Variants in PRDM2 observed in about 807,000 individuals in gnomAD.
The protein encoded by PRDM2 is PR/SET domain 2, also known as PR domain zinc finger protein 2.
PRDM2 carries 30 observed loss-of-function variants against 130.0 expected under a neutral mutation model. That is an observed-to-expected ratio of 0.23 (90% CI 0.17 to 0.31). The LOEUF (loss-of-function observed/expected upper bound fraction) is 0.31. Ranked by LOEUF, PRDM2 falls within the 10% of genes least tolerant of loss-of-function variation. The probability of loss-of-function intolerance (pLI) is 1.00; values close to 1 mark genes in which losing one functional copy is unlikely to be tolerated. For synonymous variants in PRDM2, 871 were observed against 782.4 expected, an observed-to-expected ratio of 1.11 and a Z score of -1.89; for missense variants, 2,011 against 2,108.4, an observed-to-expected ratio of 0.95 and a Z score of 0.90.
At chr1:13,714,666 A>G (rs945688109) in intron 1 of PRDM2, among the ~76,000 whole-genome samples, 3 of 152,234 alleles carry the variant, frequency 2.0e-5, no homozygotes, top group African/African-American at 7.2e-5. Context: ...TTAGAACATA[A>G]TGTTACAATG....
chr1:13,815,506 C>T (rs1313297503), intron 8 of PRDM2, among the ~76,000 whole-genome samples: 4 of 108,996 alleles, frequency 3.7e-5, no homozygotes, highest in Non-Finnish European at 6.7e-5. Context: ...GAAAGGCAGA[C>T]ACCTTATTCT....
At chr1:13,808,229 C>T (rs1404076789) in intron 8 of PRDM2, among the ~76,000 whole-genome samples, 3 of 152,150 alleles carry the variant, frequency 2.0e-5, no homozygotes, top group Admixed American at 1.3e-4. Flanking sequence ...CGGTGGCTCA[C>T]GCCTGTAATC....
At chr1:13,716,163 A>G (rs924518646) in intron 2 of PRDM2, among the ~76,000 whole-genome samples, 2 of 152,012 alleles carry the variant, frequency 1.3e-5, no homozygotes, top group Admixed American at 1.3e-4. Context: ...ACATGGATGA[A>G]ATTGGAAATC....
In PRDM2 at chr1:13,749,408, CA is replaced by C; in HGVS notation, c.434del (p.Asn145ThrfsTer4). ...TCCTGGTCTGGTACAATGGGGAAGA[CA>C]ACCCTGAGATAGCAGCTGCGATTGA... is the stretch of plus-strand genomic sequence containing the variant. The part of the protein sequence containing the change: ...ELLVWYNGED[N>X]PEIAAAIEEE... On this transcript the variant is annotated frameshift_variant, in exon 6 of 10. Coordinates refer to ENST00000311066, the MANE Select transcript of PRDM2 (RefSeq NM_001393986.1). LOFTEE classifies it high-confidence loss of function. The C allele has an allele frequency of 6.6e-7, 1 of 1,508,406 alleles. No homozygotes were observed. Among genetic ancestry groups the C allele is most frequent in the Non-Finnish European group, 9.0e-7 (1 of 1,115,222 alleles). The allele number at this position is 1,508,406 out of a possible 1,614,324, so 93.4% of individuals were successfully genotyped here.
intron 6 of PRDM2, 69 bp from the exon 7 acceptor site, chr1:13,773,009 A>C (rs893008044): frequency 1.1e-6 from 1 of 872,470 alleles, no homozygotes; most frequent in Non-Finnish European, 1.7e-6. Context: ...AGAATAACAC[A>C]TGAGGGAATG....
chr1:13,726,191 T>C (rs1474758163), intron 2 of PRDM2, among the ~76,000 whole-genome samples: 2 of 152,372 alleles, frequency 1.3e-5, no homozygotes, highest in African/African-American at 4.8e-5. Context: ...TTGTGATTGT[T>C]ACTGTTGTGA....
At chr1:13,761,530 C>T (rs1352659087) in intron 6 of PRDM2, among the ~76,000 whole-genome samples, 6 of 152,140 alleles carry the variant, frequency 3.9e-5, no homozygotes, top group Non-Finnish European at 7.4e-5. Context: ...CAGGTACATT[C>T]CTTCTGTTGA....
rs538019909 is a variant in PRDM2 at position 13,794,652 on chromosome 1, A to C, written c.5036+11821A>C. ...GAAGACAACTTTAGAGCAGCCTGGA[A>C]GGACCACAGATGCTGTTCACCCCAG... On this transcript the variant is annotated intron_variant, in intron 8 of 9. Coordinates refer to ENST00000311066, the MANE Select transcript of PRDM2 (RefSeq NM_001393986.1). 7.7e-4 allele frequency among the ~76,000 whole-genome samples: 117 copies of C among 152,216 alleles called. 1 individual carries two copies. Among genetic ancestry groups the C allele is most frequent in the Non-Finnish European group, 1.1e-3 (72 of 68,042 alleles).
At chr1:13,815,012 G>C (rs1645234352) in intron 8 of PRDM2, among the ~76,000 whole-genome samples, 1 of 152,230 alleles carries the variant, frequency 6.6e-6, no homozygotes, top group African/African-American at 2.4e-5. Context: ...GTTTTGTGAA[G>C]AGTTAGATTG....
chr1:13,807,656 T>C (rs1645106427), intron 8 of PRDM2, among the ~76,000 whole-genome samples: 1 of 152,120 alleles, frequency 6.6e-6, no homozygotes, highest in South Asian at 2.1e-4. Flanking sequence ...GCCGAGTCCC[T>C]GAGGCAAGAA....
At chr1:13,766,628 G>C (rs1398756624) in intron 6 of PRDM2, among the ~76,000 whole-genome samples, 1 of 152,176 alleles carries the variant, frequency 6.6e-6, no homozygotes, top group Non-Finnish European at 1.5e-5. Flanking sequence ...TCATGGTACA[G>C]CTGTGGAAAT....
At chr1:13,727,930 G>T (rs1303412746) in intron 2 of PRDM2, among the ~76,000 whole-genome samples, 6 of 152,122 alleles carry the variant, frequency 3.9e-5, no homozygotes, top group African/African-American at 1.4e-4. Context: ...ATGAGTATGT[G>T]GGGGAGAGAA....
intron 8 of PRDM2, chr1:13,783,278 T>C: frequency 2.4e-6 from 1 of 425,350 alleles, no homozygotes; most frequent in East Asian, 6.4e-5. Flanking sequence ...GACTTCAGCA[T>C]AGATCTAGTA....
At chr1:13,786,612 G>A (rs771697891) in intron 8 of PRDM2, 26 of 1,586,472 alleles carry the variant, frequency 1.6e-5, no homozygotes, top group East Asian at 6.7e-5. Context: ...CAAAGGATAC[G>A]AAATCTACCA....
At chr1:13,735,515 T>C (rs958838023) in intron 4 of PRDM2, among the ~76,000 whole-genome samples, 45 of 152,366 alleles carry the variant, frequency 3.0e-4, no homozygotes, top group African/African-American at 1.0e-3. Context: ...AGAATTATTT[T>C]AGTAAGCTTT....
intron 4 of PRDM2, among the ~76,000 whole-genome samples, chr1:13,740,034 T>G (rs1643391378): frequency 6.6e-6 from 1 of 152,242 alleles, no homozygotes; most frequent in Admixed American, 6.5e-5. Flanking sequence ...GTCATCTTTT[T>G]CTACAAAAGC....
chr1:13,822,801 G>A (rs941729769), intron 9 of PRDM2, among the ~76,000 whole-genome samples: 4 of 152,164 alleles, frequency 2.6e-5, no homozygotes, highest in South Asian at 2.1e-4. Flanking sequence ...AAAGCCAGAC[G>A]CAGGAGGAGA....
At chr1:13,731,754 C>T (rs1035544403) in intron 3 of PRDM2, among the ~76,000 whole-genome samples, 1 of 152,110 alleles carries the variant, frequency 6.6e-6, no homozygotes, top group Admixed American at 6.5e-5. Flanking sequence ...AAAATACAGT[C>T]TTGGAATATA....
At chr1:13,777,962 A>G (rs930558919) in intron 7 of PRDM2, among the ~76,000 whole-genome samples, 8 of 152,120 alleles carry the variant, frequency 5.3e-5, no homozygotes, top group Non-Finnish European at 1.2e-4. Context: ...CAGACTTCCA[A>G]GGATCTAACC....
Sources: gnomAD v4.1 joint callset for allele counts (sites outside exome capture counted in the v4.1 genomes callset) on GRCh38, gnomAD v4.1.1 for gene constraint, MANE v1.5 for transcripts, NCBI Gene and HGNC (gene_info 2026-07-23, HGNC 2026-07-21) for gene names.